ADAMTS12: variants seen among roughly 807,000 people sequenced by gnomAD.
ADAMTS12 encodes the protein A disintegrin and metalloproteinase with thrombospondin motifs 12.
Under a neutral mutation model 167.8 loss-of-function variants are expected in ADAMTS12, and 118 were observed. That is an observed-to-expected ratio of 0.70 (90% CI 0.61 to 0.82). ADAMTS12 has a LOEUF of 0.82. Among genes scored for constraint, ADAMTS12 ranks in the 40% least tolerant of loss-of-function variants. The pLI, the probability that ADAMTS12 is intolerant of heterozygous loss-of-function variation, is 0.00. For synonymous variants in ADAMTS12, 704 were observed against 716.9 expected, an observed-to-expected ratio of 0.98 and a Z score of 0.29; for missense variants, 1,916 against 1,998.8, an observed-to-expected ratio of 0.96 and a Z score of 0.79.
intron 2 of ADAMTS12, among the ~76,000 whole-genome samples, chr5:33,824,524 A>G (rs1747987569): frequency 6.6e-6 from 1 of 152,186 alleles, no homozygotes; most frequent in Non-Finnish European, 1.5e-5. Context: ...ACATAATCAT[A>G]CCTAAAGAAT....
chr5:33,875,281 T>C (rs1580011106), intron 2 of ADAMTS12, among the ~76,000 whole-genome samples: 1 of 152,220 alleles, frequency 6.6e-6, no homozygotes, highest in African/African-American at 2.4e-5. Context: ...TCCAAACCTA[T>C]AGAATGTACA....
intron 18 of ADAMTS12, among the ~76,000 whole-genome samples, chr5:33,579,862 G>A (rs1746967404): frequency 6.6e-6 from 1 of 152,178 alleles, no homozygotes; most frequent in African/African-American, 2.4e-5. Flanking sequence ...TAATAATAGT[G>A]ATCATAACAA....
intron 2 of ADAMTS12, among the ~76,000 whole-genome samples, chr5:33,803,304 G>A (rs150313322): frequency 1.3e-5 from 2 of 152,300 alleles, no homozygotes; most frequent in African/African-American, 4.8e-5. Flanking sequence ...ACACATTACT[G>A]GTGACCGGAC....
chr5:33,813,213 C>T (rs1747527495), intron 2 of ADAMTS12, among the ~76,000 whole-genome samples: 1 of 152,180 alleles, frequency 6.6e-6, no homozygotes, highest in South Asian at 2.1e-4. Context: ...CTGCATCCTC[C>T]CCAATAGTTG....
intron 7 of ADAMTS12, among the ~76,000 whole-genome samples, chr5:33,655,628 T>TAATTTAATTTAATTTAATTTA (rs70964409): frequency 5.8e-4 from 84 of 145,784 alleles, no homozygotes; most frequent in South Asian, 1.5e-3. Flanking sequence ...TAGTTTTATT[T>TAATTTAATTTAATTTAATTTA]ATTTAATTTA....
intron 2 of ADAMTS12, among the ~76,000 whole-genome samples, chr5:33,869,658 T>A (rs1223210159): frequency 1.3e-5 from 2 of 151,994 alleles, no homozygotes; most frequent in East Asian, 3.9e-4. Flanking sequence ...GTCACAGAGA[T>A]CACATGCTTC....
chr5:33,564,963 G>A (rs1230323703), intron 19 of ADAMTS12, among the ~76,000 whole-genome samples: 1 of 152,106 alleles, frequency 6.6e-6, no homozygotes, highest in East Asian at 1.9e-4. Flanking sequence ...GTAGGACAGA[G>A]GCAAATTGAT....
intron 3 of ADAMTS12, among the ~76,000 whole-genome samples, chr5:33,721,058 AC>A (rs2112335247): frequency 6.6e-6 from 1 of 152,354 alleles, no homozygotes; most frequent in Admixed American, 6.5e-5. Flanking sequence ...ATGATATGCA[AC>A]CACATCTAAT....
At chr5:33,887,125 G>A (rs577251580) in intron 1 of ADAMTS12, among the ~76,000 whole-genome samples, 1 of 152,212 alleles carries the variant, frequency 6.6e-6, no homozygotes, top group African/African-American at 2.4e-5. Flanking sequence ...AATGAAAGCA[G>A]AACTCAGAGG....
At chr5:33,889,222 G>A (rs1351007939) in intron 1 of ADAMTS12, among the ~76,000 whole-genome samples, 1 of 152,094 alleles carries the variant, frequency 6.6e-6, no homozygotes, top group East Asian at 1.9e-4. Context: ...GCTGAAGTGG[G>A]AGAATTGCTT....
chr5:33,628,355 T>C (rs1187891333), intron 13 of ADAMTS12, among the ~76,000 whole-genome samples: 1 of 152,108 alleles, frequency 6.6e-6, no homozygotes, highest in Non-Finnish European at 1.5e-5. Flanking sequence ...ATCCTGGTAA[T>C]TTAAAACAGA....
At chr5:33,821,183 T>C (rs1747854833) in intron 2 of ADAMTS12, among the ~76,000 whole-genome samples, 1 of 152,198 alleles carries the variant, frequency 6.6e-6, no homozygotes. Context: ...GTAATGACCA[T>C]TAATGACATT....
At chr5:33,531,176 C>G (rs2111734303) in intron 23 of ADAMTS12, among the ~76,000 whole-genome samples, 1 of 152,296 alleles carries the variant, frequency 6.6e-6, no homozygotes, top group East Asian at 1.9e-4. Flanking sequence ...CCAGTGATGG[C>G]CGGCAACCGC....
chr5:33,885,120 T>C (rs1750590972), intron 1 of ADAMTS12, among the ~76,000 whole-genome samples: 1 of 152,248 alleles, frequency 6.6e-6, no homozygotes, highest in South Asian at 2.1e-4. Context: ...AGTGTGATTC[T>C]AAATCAATCT....
chr5:33,715,595 A>C (rs1483933922), intron 3 of ADAMTS12, among the ~76,000 whole-genome samples: 1 of 152,142 alleles, frequency 6.6e-6, no homozygotes, highest in Non-Finnish European at 1.5e-5. Context: ...GACCGAGCTA[A>C]TTCTTCGGCT....
chr5:33,648,642 C>A (rs1034537060), intron 9 of ADAMTS12, among the ~76,000 whole-genome samples, 180 bp downstream of exon 9: 1 of 152,228 alleles, frequency 6.6e-6, no homozygotes, highest in African/African-American at 2.4e-5. Context: ...ACCAAGGTGG[C>A]AATGTCAAGG....
At chr5:33,589,650 C>G (rs1747539274) in intron 17 of ADAMTS12, among the ~76,000 whole-genome samples, 1 of 152,130 alleles carries the variant, frequency 6.6e-6, no homozygotes, top group South Asian at 2.1e-4. Context: ...TGAGTGTCTT[C>G]ACCCAGTGTG....
intron 3 of ADAMTS12, among the ~76,000 whole-genome samples, chr5:33,719,435 T>C (rs1478823934): frequency 2.0e-5 from 3 of 152,236 alleles, no homozygotes; most frequent in Non-Finnish European, 4.4e-5. Flanking sequence ...GCAATGTCTG[T>C]AAAAGTTTAC....
At chr5:33,733,367 C>T (rs955083532) in intron 3 of ADAMTS12, among the ~76,000 whole-genome samples, 5 of 152,132 alleles carry the variant, frequency 3.3e-5, no homozygotes, top group Non-Finnish European at 7.4e-5. Context: ...TGACACAAAC[C>T]TTTGTTACTT....
Sources: gnomAD v4.1 joint callset for allele counts (sites outside exome capture counted in the v4.1 genomes callset) on GRCh38, gnomAD v4.1.1 for gene constraint, MANE v1.5 for transcripts, NCBI Gene and HGNC (gene_info 2026-07-23, HGNC 2026-07-21) for gene names.